Variants in LRRC1 observed in about 807,000 individuals in gnomAD.
The protein encoded by LRRC1 is leucine rich repeat containing 1.
LRRC1 carries 28 observed loss-of-function variants against 69.9 expected under a neutral mutation model. The observed-to-expected ratio is 0.40, with a 90% CI of 0.30 to 0.55. The LOEUF is 0.55. LRRC1 is among the 20% of genes least tolerant of loss of function. LRRC1 has a pLI of 0.47. For synonymous variants in LRRC1, 236 were observed against 240.2 expected, an observed-to-expected ratio of 0.98 and a Z score of 0.16; for missense variants, 498 against 609.0, an observed-to-expected ratio of 0.82 and a Z score of 1.92.
intron 2 of LRRC1, among the ~76,000 whole-genome samples, chr6:53,862,626 A>G (rs1296050856): frequency 6.6e-6 from 1 of 152,174 alleles, no homozygotes; most frequent in Non-Finnish European, 1.5e-5. Flanking sequence ...TGTGCAAAAT[A>G]AAATTTTACA....
chr6:53,879,072 G>T lies in LRRC1; in HGVS notation c.356+1G>T. ...ACTTCAGCGGAAACCCACTGACTAG[G>T]TAAGCTTTCTGCTTACTTTTCTGTC... On this transcript the variant is annotated splice_donor_variant, in intron 3 of 13. Coordinates refer to ENST00000370888, the MANE Select transcript of LRRC1 (RefSeq NM_018214.5). LOFTEE classifies it high-confidence loss of function. 6.2e-7 allele frequency: 1 copy of T among 1,608,138 alleles called. No homozygotes were observed. The highest frequency in any genetic ancestry group is 8.5e-7 in the Non-Finnish European group (1 of 1,175,300).
chr6:53,843,691 A>G (rs1765855053), intron 2 of LRRC1, among the ~76,000 whole-genome samples: 1 of 152,144 alleles, frequency 6.6e-6, no homozygotes, highest in South Asian at 2.1e-4. Context: ...AACATGCACC[A>G]AAAGCAGTGG....
At chr6:53,862,450 T>C (rs976959760) in intron 2 of LRRC1, among the ~76,000 whole-genome samples, 3 of 152,066 alleles carry the variant, frequency 2.0e-5, no homozygotes, top group African/African-American at 7.2e-5. Flanking sequence ...CTTTACTTTG[T>C]GTGTGTGTGA....
intron 1 of LRRC1, among the ~76,000 whole-genome samples, chr6:53,818,467 G>A (rs1765016503): frequency 6.6e-6 from 1 of 152,136 alleles, no homozygotes; most frequent in Admixed American, 6.5e-5. Flanking sequence ...ATAAATTATG[G>A]TACATACATA....
intron 1 of LRRC1, among the ~76,000 whole-genome samples, chr6:53,812,304 C>G (rs569700810): frequency 6.6e-6 from 1 of 152,144 alleles, no homozygotes; most frequent in Non-Finnish European, 1.5e-5. Context: ...AATTTAGTGA[C>G]TGACTGGATT....
chr6:53,871,109 A>T (rs1489581286), intron 2 of LRRC1, among the ~76,000 whole-genome samples: 1 of 152,198 alleles, frequency 6.6e-6, no homozygotes. Context: ...GGGAGTGCAG[A>T]TATATCTTTG....
chr6:53,843,990 TA>T, intron 2 of LRRC1, among the ~76,000 whole-genome samples: 1 of 152,290 alleles, frequency 6.6e-6, no homozygotes, highest in African/African-American at 2.4e-5. Context: ...CCAGCCACCC[TA>T]AAGGTTGGCT....
At chr6:53,875,111 T>C (rs766832426) in intron 2 of LRRC1, among the ~76,000 whole-genome samples, 1 of 152,192 alleles carries the variant, frequency 6.6e-6, no homozygotes, top group Non-Finnish European at 1.5e-5. Context: ...AAGTTGCTGC[T>C]CGCAAAAGCA....
intron 1 of LRRC1, among the ~76,000 whole-genome samples, chr6:53,801,143 A>G (rs1764473611): frequency 6.6e-6 from 1 of 152,204 alleles, no homozygotes; most frequent in Admixed American, 6.5e-5. Context: ...CAAAGGTTTC[A>G]TGGCAATTTG....
chr6:53,882,742 G>T (rs1216951190), intron 3 of LRRC1, 145 bp from the exon 4 acceptor site: 5 of 560,486 alleles, frequency 8.9e-6, no homozygotes, highest in African/African-American at 2.0e-5. Flanking sequence ...TATATAGGAA[G>T]ACAAGGCAAA....
At chr6:53,803,243 A>G (rs1212635212) in intron 1 of LRRC1, among the ~76,000 whole-genome samples, 2 of 152,230 alleles carry the variant, frequency 1.3e-5, no homozygotes, top group African/African-American at 4.8e-5. Context: ...CGATGATGAC[A>G]GATCCCAGAC....
intron 2 of LRRC1, among the ~76,000 whole-genome samples, chr6:53,859,476 T>C (rs9370236): frequency 0.64 from 97,168 of 152,094 alleles, 31,398 homozygotes; most frequent in East Asian, 0.94. Context: ...TAAAATAGCA[T>C]GACAGAACCT....
chr6:53,888,418 C>T (rs555665906), intron 4 of LRRC1, among the ~76,000 whole-genome samples: 20 of 152,200 alleles, frequency 1.3e-4, no homozygotes, highest in East Asian at 3.9e-4. Context: ...AGGACATGTA[C>T]ATGCTAAGTA....
chr6:53,908,496 C>T (rs979377807), intron 10 of LRRC1, among the ~76,000 whole-genome samples: 5 of 151,800 alleles, frequency 3.3e-5, no homozygotes, highest in East Asian at 1.9e-4. Context: ...TATAAGTTTC[C>T]GTTGTATTCT....
intron 11 of LRRC1, among the ~76,000 whole-genome samples, chr6:53,915,221 C>T (rs1188355280): frequency 6.6e-6 from 1 of 152,096 alleles, no homozygotes; most frequent in Non-Finnish European, 1.5e-5. Flanking sequence ...ATTAGCTGGT[C>T]ATTTTGGTCA....
rs752866910 is a variant in LRRC1, at chr6:53,879,056, G to A, written c.341G>A (p.Gly114Glu). The change falls in exon 3 of 14, where the codon GGA becomes GAA. Residue 114 changes from glycine to glutamate, a missense_variant. This residue lies in a region of LRRC1 where 266 missense variants were observed against 383.9 expected (regional missense o/e 0.69). Coordinates refer to ENST00000370888, the MANE Select transcript of LRRC1 (RefSeq NM_018214.5). ...GCACTGCAGGTAGCTGACTTCAGCG[G>A]AAACCCACTGACTAGGTAAGCTTTC... ...CKALQVADFS[G>E]NPLTRLPESF... The A allele has an allele frequency of 6.2e-7, 1 of 1,612,584 alleles. No homozygotes were observed. Among genetic ancestry groups the A allele is most frequent in the Admixed American group, 1.7e-5 (1 of 59,994 alleles).
chr6:53,839,509 C>A (rs142870045), intron 1 of LRRC1, among the ~76,000 whole-genome samples: 1 of 152,106 alleles, frequency 6.6e-6, no homozygotes, highest in African/African-American at 2.4e-5. Context: ...AAAACAGCAG[C>A]CTCTTGCCTC....
chr6:53,839,030 G>A (rs1311496222), intron 1 of LRRC1, among the ~76,000 whole-genome samples: 1 of 151,620 alleles, frequency 6.6e-6, no homozygotes, highest in Admixed American at 6.6e-5. Flanking sequence ...AGTTATATTT[G>A]CATGGTAAAT....
At chr6:53,873,283 A>C (rs1258580900) in intron 2 of LRRC1, among the ~76,000 whole-genome samples, 1 of 126,022 alleles carries the variant, frequency 7.9e-6, no homozygotes, top group East Asian at 2.8e-4. Context: ...AGTGCTACCG[A>C]TTTTTCTTTT....
Sources: gnomAD v4.1 joint callset for allele counts (sites outside exome capture counted in the v4.1 genomes callset) on GRCh38, gnomAD v4.1.1 for gene constraint, gnomAD v4.1.1 regional missense constraint, MANE v1.5 for transcripts, NCBI Gene and HGNC (gene_info 2026-07-23, HGNC 2026-07-21) for gene names.